Variants in CLASP1 observed in about 807,000 individuals in gnomAD.
The protein encoded by CLASP1 is CLIP-associating protein 1.
Under a neutral mutation model 192.3 loss-of-function variants are expected in CLASP1, and 38 were observed. The observed-to-expected ratio is 0.20, with a 90% CI of 0.15 to 0.26. The LOEUF (loss-of-function observed/expected upper bound fraction) is 0.26, where lower values mean the gene tolerates loss of function less well. CLASP1 is among the 10% of genes least tolerant of loss of function. CLASP1 has a pLI of 1.00. For synonymous variants in CLASP1, 691 were observed against 712.8 expected (o/e 0.97, Z 0.49); for missense variants, 1,433 against 1,932.5 (o/e 0.74, Z 4.85).
intron 25 of CLASP1, among the ~76,000 whole-genome samples, chr2:121,406,360 C>T (rs1162296969): frequency 6.6e-6 from 1 of 152,216 alleles, no homozygotes; most frequent in African/African-American, 2.4e-5. Flanking sequence ...TATCTCCTCA[C>T]TATGTACATT....
intron 6 of CLASP1, among the ~76,000 whole-genome samples, chr2:121,525,232 C>T (rs1242079135): frequency 6.6e-6 from 1 of 152,084 alleles, no homozygotes; most frequent in Admixed American, 6.5e-5. Context: ...ATTTCTCCAG[C>T]CCAGACTTGT....
At chr2:121,607,580 C>A (rs890602707) in intron 1 of CLASP1, among the ~76,000 whole-genome samples, 29 of 152,174 alleles carry the variant, frequency 1.9e-4, no homozygotes, top group African/African-American at 7.0e-4. Flanking sequence ...TTATTTCTGA[C>A]TTACTCTAAA....
chr2:121,587,687 TG>T (rs1438494790), intron 2 of CLASP1, among the ~76,000 whole-genome samples: 1 of 151,004 alleles, frequency 6.6e-6, no homozygotes, highest in Non-Finnish European at 1.5e-5. Flanking sequence ...AAAAATTAGA[TG>T]GGTGTACTGG....
chr2:121,343,765 T>C (rs2063085945), intron 39 of CLASP1, among the ~76,000 whole-genome samples: 1 of 152,184 alleles, frequency 6.6e-6, no homozygotes, highest in Admixed American at 6.6e-5. Context: ...TACAACAATA[T>C]GAACCACACA....
At chr2:121,539,726 GCAA>G (rs2095186475) in intron 2 of CLASP1, among the ~76,000 whole-genome samples, 1 of 152,100 alleles carries the variant, frequency 6.6e-6, no homozygotes, top group African/African-American at 2.4e-5. Flanking sequence ...AAACAAATAA[GCAA>G]CAACAGGCTT....
exon 31 of CLASP1, chr2:121,387,823 G>A (rs774092226): frequency 9.9e-6 from 16 of 1,613,606 alleles, no homozygotes; most frequent in Non-Finnish European, 1.4e-5. Flanking sequence ...CACCATCCTG[G>A]AATGTTTTTG....
chr2:121,597,122 G>C (rs910071810), intron 2 of CLASP1, among the ~76,000 whole-genome samples: 2 of 152,084 alleles, frequency 1.3e-5, no homozygotes, highest in African/African-American at 4.8e-5. Flanking sequence ...AATTAACTCT[G>C]GTTGTTGCAT....
chr2:121,622,280 G>A (rs925656188), intron 1 of CLASP1, among the ~76,000 whole-genome samples: 2 of 152,004 alleles, frequency 1.3e-5, no homozygotes, highest in Non-Finnish European at 2.9e-5. Context: ...AGTTCAGAAT[G>A]TAAGTTCCGG....
At chr2:121,436,092 T>C (rs112278874) in intron 19 of CLASP1, among the ~76,000 whole-genome samples, 6,309 of 151,920 alleles carry the variant, frequency 0.042, 168 homozygotes, top group East Asian at 0.14. Context: ...AGTACAGTGG[T>C]GTGATCTCAG....
At chr2:121,481,473 A>G (rs2092595221) in intron 8 of CLASP1, among the ~76,000 whole-genome samples, 1 of 152,226 alleles carries the variant, frequency 6.6e-6, no homozygotes, top group South Asian at 2.1e-4. Context: ...GGAGGTCTCA[A>G]TGACAATTTT....
chr2:121,619,415 G>T (rs2066967352), intron 1 of CLASP1, among the ~76,000 whole-genome samples: 1 of 152,078 alleles, frequency 6.6e-6, no homozygotes, highest in Non-Finnish European at 1.5e-5. Flanking sequence ...CAACACTACA[G>T]AACATAGTGA....
chr2:121,582,508 A>C (rs890036122), intron 2 of CLASP1, among the ~76,000 whole-genome samples: 3 of 150,920 alleles, frequency 2.0e-5, no homozygotes, highest in Non-Finnish European at 4.4e-5. Context: ...GGAGAAAGAA[A>C]GAGAGGAGAG....
intron 1 of CLASP1, among the ~76,000 whole-genome samples, chr2:121,624,551 G>C (rs2067969911): frequency 6.6e-6 from 1 of 152,036 alleles, no homozygotes; most frequent in African/African-American, 2.4e-5. Context: ...CAAGTAGCTG[G>C]GATTACAGGT....
chr2:121,466,295 A>G (rs929173779), intron 9 of CLASP1, among the ~76,000 whole-genome samples: 5 of 152,224 alleles, frequency 3.3e-5, no homozygotes, highest in Non-Finnish European at 7.3e-5. Context: ...ATCAGAAAGA[A>G]CTAGAAATAA....
At chr2:121,503,539 C>G (rs2093831443) in intron 7 of CLASP1, among the ~76,000 whole-genome samples, 1 of 152,214 alleles carries the variant, frequency 6.6e-6, no homozygotes, top group Non-Finnish European at 1.5e-5. Context: ...CCCCTGCTCT[C>G]TGACATTACT....
At chr2:121,473,236 C>T (rs1329136160) in intron 8 of CLASP1, among the ~76,000 whole-genome samples, 3 of 151,954 alleles carry the variant, frequency 2.0e-5, no homozygotes, top group African/African-American at 7.3e-5. Flanking sequence ...AATACATAGA[C>T]ATTCATAAGA....
chr2:121,415,969 C>G (rs1439061978), intron 23 of CLASP1, among the ~76,000 whole-genome samples: 1 of 152,086 alleles, frequency 6.6e-6, no homozygotes, highest in East Asian at 1.9e-4. Context: ...AAAATTAAAA[C>G]TAAATTGGCA....
chr2:121,513,339 G>T lies in CLASP1; in HGVS notation c.644+2326C>A, dbSNP rs936929499. ...CTAAGAATACCCTCTCCGTTTTGGA[G>T]AATTTGTAGGAGGATTTTAGGTAAC... On this transcript the variant is annotated intron_variant, in intron 7 of 39. Transcript: ENST00000263710. Among the ~76,000 whole-genome samples, 4 of 152,196 alleles carry T rather than the reference G, an allele frequency of 2.6e-5. No homozygotes were observed. In the South Asian group the frequency reaches 6.2e-4, roughly 24 times the overall value.
chr2:121,377,652 A>G lies in CLASP1; in HGVS notation c.3492-3T>C. ...TCTCTGTATCATAGTCCAGCATGCTAAAGATAAAAAATATTTTATTTCTTA... is the reference window on the plus strand; with the variant it reads ...TCTCTGTATCATAGTCCAGCATGCTGAAGATAAAAAATATTTTATTTCTTA... On this transcript the variant is annotated splice_region_variant and splice_polypyrimidine_tract_variant and intron_variant, in intron 33 of 39. Transcript: ENST00000263710. 1 of 1,547,388 alleles carries G rather than the reference A, an allele frequency of 6.5e-7. No individual in the cohort carries two copies. Among genetic ancestry groups the G allele is most frequent in the Non-Finnish European group, 8.7e-7 (1 of 1,145,940 alleles).
Sources: gnomAD v4.1 joint callset for allele counts (sites outside exome capture counted in the v4.1 genomes callset) on GRCh38, gnomAD v4.1.1 for gene constraint, MANE v1.5 for transcripts, NCBI Gene and HGNC (gene_info 2026-07-23, HGNC 2026-07-21) for gene names.